Variants in CHD7 observed in about 807,000 individuals in gnomAD.
The protein encoded by CHD7 is ATP-dependent chromatin remodeler CHD7.
In CHD7, 24 loss-of-function variants were observed where a neutral mutation model predicts 307.3. The ratio of observed to expected loss-of-function variants is 0.08; its 90% CI spans 0.06 to 0.11. CHD7 has a LOEUF of 0.11. Among genes scored for constraint, CHD7 ranks in the 10% least tolerant of loss-of-function variants. The pLI is 1.00. For synonymous variants in CHD7, 1,363 were observed against 1,349.9 expected (o/e 1.01, Z -0.21); for missense variants, 3,106 against 3,727.1 (o/e 0.83, Z 4.34).
intron 2 of CHD7, among the ~76,000 whole-genome samples, chr8:60,755,345 C>G (rs1021335437): frequency 2.6e-5 from 4 of 152,098 alleles, no homozygotes; most frequent in African/African-American, 9.7e-5. Context: ...CACTGTAACA[C>G]CATTGCCATT....
chr8:60,850,969 A>AC (rs879535993), intron 26 of CHD7, 63 bp from the exon 27 acceptor site: 6 of 1,157,754 alleles, frequency 5.2e-6, no homozygotes, highest in Middle Eastern at 2.2e-4. Context: ...TTTCCTACCC[A>AC]CCCCCCTTCC....
At position 60,845,325 on chromosome 8, in the gene CHD7, A is replaced by T. The variant is rs768971850; in HGVS notation, c.5126A>T (p.Asp1709Val). 6.2e-7 allele frequency: 1 copy of T among 1,614,004 alleles called. No homozygotes were observed. Among genetic ancestry groups the T allele is most frequent in the East Asian group, 2.2e-5 (1 of 44,878 alleles). ...CAGAGCACACAGCCGGTGGTGCAGG[A>T]TGCCGACTGGCTGGCCAGCTGCAAC... is the stretch of plus-strand genomic sequence containing the variant. ...KAQSTQPVVQDADWLASCNPD... is the reference protein window; with the variant it reads ...KAQSTQPVVQVADWLASCNPD... The change falls in exon 23 of 38, where the codon GAT becomes GTT. Residue 1709 changes from aspartate to valine, a missense_variant. Asp to Val is a radical substitution (Grantham distance 152). Coordinates refer to ENST00000423902, the MANE Select transcript of CHD7 (RefSeq NM_017780.4).
At chr8:60,804,062 G>A (rs1469987015) in intron 6 of CHD7, among the ~76,000 whole-genome samples, 1 of 152,312 alleles carries the variant, frequency 6.6e-6, no homozygotes, top group Non-Finnish European at 1.5e-5. Flanking sequence ...GATCCATTAT[G>A]ATGGAGTTGT....
At chr8:60,765,333 TAC>T (rs551735552) in intron 2 of CHD7, among the ~76,000 whole-genome samples, 133 of 151,456 alleles carry the variant, frequency 8.8e-4, no homozygotes, top group African/African-American at 2.4e-3. Context: ...TATACATGCA[TAC>T]ACACACACAC....
chr8:60,840,916 C>G (rs145276919), intron 19 of CHD7, among the ~76,000 whole-genome samples: 11 of 152,180 alleles, frequency 7.2e-5, no homozygotes, highest in African/African-American at 2.7e-4. Flanking sequence ...CCATGCCTGG[C>G]CTAAAGAATA....
chr8:60,800,419 A>G lies in CHD7; in HGVS notation c.2270A>G (p.Lys757Arg), dbSNP rs1231314681. The G allele has an allele frequency of 1.9e-6, 3 of 1,613,768 alleles. No individual in the cohort carries two copies. Among genetic ancestry groups the G allele is most frequent in the Admixed American group, 3.3e-5 (2 of 59,992 alleles). The stretch of plus-strand genomic sequence containing the variant: ...CGGTCCAGCAGACAGGTGAAGAGAA[A>G]GCGCTACACTGAAGACCTGGAGTTC... ...KRRSSRQVKR[K>R]RYTEDLEFKI... Residue 757 changes from lysine (K) to arginine (R), a missense_variant, in exon 5 of 38, where the codon AAG becomes AGG. This residue lies in a region of CHD7 where 998 missense variants were observed against 1,004.5 expected (regional missense o/e 0.99). Transcript: ENST00000423902.
chr8:60,705,161 T>C (rs911944513), intron 1 of CHD7, among the ~76,000 whole-genome samples: 1 of 151,770 alleles, frequency 6.6e-6, no homozygotes, highest in Non-Finnish European at 1.5e-5. Flanking sequence ...AAGTGTGGAG[T>C]CTAAAAGTGA....
At chr8:60,721,069 T>G (rs1208437994) in intron 1 of CHD7, among the ~76,000 whole-genome samples, 1 of 152,180 alleles carries the variant, frequency 6.6e-6, no homozygotes, top group African/African-American at 2.4e-5. Context: ...ACCAGCAACA[T>G]CAACTTAGGC....
At chr8:60,695,135 A>AG in intron 1 of CHD7, among the ~76,000 whole-genome samples, 2 of 152,268 alleles carry the variant, frequency 1.3e-5, no homozygotes, top group East Asian at 3.9e-4. Context: ...TTTCGAGAGA[A>AG]GTAAGGTTGA....
chr8:60,699,556 G>A (rs2150504267), intron 1 of CHD7, among the ~76,000 whole-genome samples: 1 of 151,760 alleles, frequency 6.6e-6, no homozygotes, highest in South Asian at 2.1e-4. Context: ...GGGGTAGCCT[G>A]TTCTGGAGCC....
intron 1 of CHD7, among the ~76,000 whole-genome samples, chr8:60,715,616 G>A (rs1275202873): frequency 2.6e-5 from 4 of 152,058 alleles, no homozygotes; most frequent in Admixed American, 6.5e-5. Context: ...ACCGCGCCCA[G>A]CCCCTTCCTC....
Position 60,688,906 on chromosome 8 carries a change from C to T in CHD7, c.-175+9824C>T, listed in dbSNP as rs186354012. On this transcript the variant is annotated intron_variant, in intron 1 of 37. Transcript: ENST00000423902. ...TCAAATCTCAGAAGCTTTGATTCCT[C>T]AGTCCCTTCCTCCCAAGTTCTCTTT... Among the ~76,000 whole-genome samples the T allele has an allele frequency of 3.6e-3, 555 of 152,266 alleles. 4 individuals carry two copies. The highest frequency in any genetic ancestry group is 4.8e-3 in the Non-Finnish European group (327 of 68,016).
intron 6 of CHD7, among the ~76,000 whole-genome samples, chr8:60,806,370 A>C (rs1055652161): frequency 6.6e-6 from 1 of 152,182 alleles, no homozygotes; most frequent in African/African-American, 2.4e-5. Context: ...CTCAAAAAAA[A>C]AGGGAGTAGA....
chr8:60,766,085 T>G (rs1036155811), intron 2 of CHD7, among the ~76,000 whole-genome samples: 5 of 152,258 alleles, frequency 3.3e-5, no homozygotes, highest in African/African-American at 1.2e-4. Context: ...TGCTTATCAT[T>G]CACCTAGAAC....
intron 3 of CHD7, among the ~76,000 whole-genome samples, chr8:60,786,304 G>A (rs956044386): frequency 1.3e-5 from 2 of 152,148 alleles, no homozygotes; most frequent in African/African-American, 2.4e-5. Context: ...GCTGCTTTTA[G>A]TACAGACCCC....
intron 22 of CHD7, 66 bp from the exon 23 acceptor site, chr8:60,845,184 T>C: frequency 6.3e-7 from 1 of 1,575,120 alleles, no homozygotes; most frequent in Non-Finnish European, 8.6e-7. Flanking sequence ...TGCATTAAGC[T>C]CTCTGCCATT....
chr8:60,763,651 A>G (rs149030737), intron 2 of CHD7, among the ~76,000 whole-genome samples: 79 of 152,272 alleles, frequency 5.2e-4, no homozygotes, highest in Middle Eastern at 3.4e-3. Flanking sequence ...TTTCGTTGAG[A>G]CATTGGACCT....
chr8:60,784,866 T>A (rs1174296229), intron 3 of CHD7, among the ~76,000 whole-genome samples: 1 of 152,332 alleles, frequency 6.6e-6, no homozygotes, highest in East Asian at 1.9e-4. Flanking sequence ...ACGGGCCACA[T>A]TCCTATTCTC....
chr8:60,823,807 A>G (rs369801348), intron 12 of CHD7, 33 bp from the exon 13 acceptor site: 217 of 1,561,556 alleles, frequency 1.4e-4, no homozygotes, highest in Non-Finnish European at 1.8e-4. Flanking sequence ...GTAACCATTA[A>G]TGCTTAATAA....
Sources: gnomAD v4.1 joint callset for allele counts (sites outside exome capture counted in the v4.1 genomes callset) on GRCh38, gnomAD v4.1.1 for gene constraint, gnomAD v4.1.1 regional missense constraint, MANE v1.5 for transcripts, NCBI Gene and HGNC (gene_info 2026-07-23, HGNC 2026-07-21) for gene names.